ZFAND3: variants seen among roughly 807,000 people sequenced by gnomAD.
The protein encoded by ZFAND3 is zinc finger AN1-type containing 3.
In ZFAND3, 10 loss-of-function variants were observed where a neutral mutation model predicts 29.6. The ratio of observed to expected loss-of-function variants is 0.34; its 90% CI spans 0.21 to 0.57. The LOEUF (loss-of-function observed/expected upper bound fraction) is 0.57, where lower values mean the gene tolerates loss of function less well. Among genes scored for constraint, ZFAND3 ranks in the 20% least tolerant of loss-of-function variants. The probability of loss-of-function intolerance (pLI) is 0.86; values close to 1 mark genes in which losing one functional copy is unlikely to be tolerated. For synonymous variants in ZFAND3, 128 were observed against 112.6 expected, an observed-to-expected ratio of 1.14 and a Z score of -0.87; for missense variants, 230 against 304.5, an observed-to-expected ratio of 0.76 and a Z score of 1.82.
At chr6:38,012,358 C>T (rs1397003164) in intron 2 of ZFAND3, among the ~76,000 whole-genome samples, 2 of 151,268 alleles carry the variant, frequency 1.3e-5, no homozygotes, top group East Asian at 3.9e-4. Context: ...GAAGAGCTTC[C>T]TCCTTTCTTT....
intron 2 of ZFAND3, among the ~76,000 whole-genome samples, chr6:38,010,352 T>C (rs1006935813): frequency 1.3e-5 from 2 of 152,094 alleles, no homozygotes; most frequent in South Asian, 2.1e-4. Context: ...TTGATTTTTT[T>C]CCCCCCTTAC....
intron 2 of ZFAND3, chr6:38,003,728 A>G: frequency 2.5e-6 from 1 of 395,838 alleles, no homozygotes; most frequent in South Asian, 1.8e-5. Flanking sequence ...CTGGCCTTGA[A>G]CTCCTGAGCT....
chr6:37,833,717 C>T lies in ZFAND3; in HGVS notation c.71+13701C>T, dbSNP rs964782483. ...GGCGAGCGTCTGTAGTCCCAGCTACCCGGGAGGCTGAGGCAGGAGAATCAC... is the reference window on the plus strand; with the variant it reads ...GGCGAGCGTCTGTAGTCCCAGCTACTCGGGAGGCTGAGGCAGGAGAATCAC... On this transcript the variant is annotated intron_variant, in intron 1 of 5. Transcript: ENST00000287218. 1.5e-4 allele frequency among the ~76,000 whole-genome samples: 22 copies of T among 150,448 alleles called. No homozygotes were observed. In the South Asian group the frequency reaches 3.8e-3, roughly 26 times the overall value.
At chr6:38,046,738 C>T (rs778861108) in intron 2 of ZFAND3, among the ~76,000 whole-genome samples, 3 of 152,098 alleles carry the variant, frequency 2.0e-5, no homozygotes, top group Non-Finnish European at 4.4e-5. Context: ...AATTTTGAGT[C>T]AGGGTTAGAT....
intron 5 of ZFAND3, among the ~76,000 whole-genome samples, chr6:38,121,258 C>G (rs1192088992): frequency 6.6e-6 from 1 of 152,200 alleles, no homozygotes; most frequent in Non-Finnish European, 1.5e-5. Context: ...ACCCTGTGGT[C>G]CCAGCTACTT....
At chr6:38,105,051 G>A (rs1885324) in intron 4 of ZFAND3, among the ~76,000 whole-genome samples, 2 of 152,252 alleles carry the variant, frequency 1.3e-5, no homozygotes, top group African/African-American at 2.4e-5. Context: ...GTTTCCTCAT[G>A]TGTGAAATGC....
At chr6:37,894,638 C>T (rs552800766) in intron 1 of ZFAND3, among the ~76,000 whole-genome samples, 1 of 152,260 alleles carries the variant, frequency 6.6e-6, no homozygotes, top group South Asian at 2.1e-4. Flanking sequence ...TCCCAAAATG[C>T]TGGGATTATA....
At chr6:38,134,334 G>A (rs1056308975) in intron 5 of ZFAND3, among the ~76,000 whole-genome samples, 20 of 152,118 alleles carry the variant, frequency 1.3e-4, no homozygotes, top group Admixed American at 1.1e-3. Context: ...TGGTGCTCCC[G>A]ATTTATTACA....
At chr6:38,008,048 C>T (rs1165105184) in intron 2 of ZFAND3, among the ~76,000 whole-genome samples, 1 of 152,086 alleles carries the variant, frequency 6.6e-6, no homozygotes, top group Non-Finnish European at 1.5e-5. Flanking sequence ...AACAAGATCC[C>T]CAGGTGATTC....
At chr6:37,937,703 C>T (rs968519819) in intron 2 of ZFAND3, among the ~76,000 whole-genome samples, 3 of 144,552 alleles carry the variant, frequency 2.1e-5, no homozygotes, top group Non-Finnish European at 3.0e-5. Flanking sequence ...GCTCTTAAGA[C>T]GAAGTGTTTG....
At chr6:38,124,954 A>T (rs1043632261) in intron 5 of ZFAND3, among the ~76,000 whole-genome samples, 2 of 152,218 alleles carry the variant, frequency 1.3e-5, no homozygotes, top group Admixed American at 1.3e-4. Context: ...GTGATGAAAG[A>T]CTAAAGCTTC....
At chr6:37,891,416 TCC>T (rs113061455) in intron 1 of ZFAND3, among the ~76,000 whole-genome samples, 2 of 117,196 alleles carry the variant, frequency 1.7e-5, no homozygotes, top group South Asian at 2.7e-4. Context: ...GAGATTTCAG[TCC>T]CCCCCCCCGC....
chr6:38,024,746 T>C (rs191742386), intron 2 of ZFAND3, among the ~76,000 whole-genome samples: 20 of 152,300 alleles, frequency 1.3e-4, no homozygotes, highest in Admixed American at 5.9e-4. Flanking sequence ...GTATGAAATA[T>C]GCAGAATAGG....
chr6:37,975,516 G>T (rs57591988), intron 2 of ZFAND3, among the ~76,000 whole-genome samples: 1 of 151,722 alleles, frequency 6.6e-6, no homozygotes, highest in African/African-American at 2.4e-5. Context: ...TATTTTTTCT[G>T]CATTTTCTTC....
chr6:37,924,074 C>T (rs1289315921), intron 1 of ZFAND3, among the ~76,000 whole-genome samples: 1 of 151,798 alleles, frequency 6.6e-6, no homozygotes, highest in East Asian at 1.9e-4. Flanking sequence ...AAAATTTAAG[C>T]AGATTTCTCA....
Position 38,153,860 on chromosome 6 carries a change from GC to G in ZFAND3, c.*1474del. 1.0e-6 allele frequency: 1 copy of G among 985,512 alleles called. No individual in the cohort carries two copies. Among genetic ancestry groups the G allele is most frequent in the Admixed American group, 6.1e-5 (1 of 16,296 alleles). The allele number at this position is 985,512 out of a possible 1,614,324, so 61.0% of individuals were successfully genotyped here. A position where few individuals can be genotyped will look rare whatever the true frequency, so the allele number is the denominator to read the frequency against. On this transcript the variant is annotated 3_prime_UTR_variant, in exon 6 of 6. Coordinates refer to ENST00000287218, the MANE Select transcript of ZFAND3 (RefSeq NM_021943.3). ...GCCCCTGCGGAGGCAGCGTGGATCT[GC>G]CCACACATAGGCTACTGGAATAGTT...
chr6:37,832,779 T>G (rs572835790), intron 1 of ZFAND3: 1 of 152,226 alleles, frequency 6.6e-6, no homozygotes, highest in South Asian at 2.1e-4. Context: ...TGGGCTTAAG[T>G]GATCCTTCTG....
At chr6:37,874,797 A>G (rs1764762848) in intron 1 of ZFAND3, among the ~76,000 whole-genome samples, 1 of 152,112 alleles carries the variant, frequency 6.6e-6, no homozygotes, top group Non-Finnish European at 1.5e-5. Flanking sequence ...GCTGGTCTCA[A>G]ACTCTGGACT....
chr6:37,957,683 G>C (rs917355320), intron 2 of ZFAND3, among the ~76,000 whole-genome samples: 5 of 152,140 alleles, frequency 3.3e-5, no homozygotes, highest in Admixed American at 2.0e-4. Flanking sequence ...AGAGTTGCCA[G>C]CTACTTTTTA....
Sources: gnomAD v4.1 joint callset for allele counts (sites outside exome capture counted in the v4.1 genomes callset) on GRCh38, gnomAD v4.1.1 for gene constraint, MANE v1.5 for transcripts, NCBI Gene and HGNC (gene_info 2026-07-23, HGNC 2026-07-21) for gene names.